Variants in MAGI2 observed in about 807,000 individuals in gnomAD.
MAGI2 encodes the protein membrane associated guanylate kinase, WW and PDZ domain containing 2.
Under a neutral mutation model 133.3 loss-of-function variants are expected in MAGI2, and 35 were observed. The ratio of observed to expected loss-of-function variants is 0.26; its 90% CI spans 0.20 to 0.35. The LOEUF (loss-of-function observed/expected upper bound fraction) is 0.35, where lower values mean the gene tolerates loss of function less well. Ranked by LOEUF, MAGI2 falls within the 10% of genes least tolerant of loss-of-function variation. The probability of loss-of-function intolerance (pLI) is 1.00; values close to 1 mark genes in which losing one functional copy is unlikely to be tolerated. For missense variants in MAGI2, 1,636 were observed against 1,863.4 expected (o/e 0.88, Z 2.25); for synonymous variants, 729 against 710.6 (o/e 1.03, Z -0.41).
chr7:78,972,904 G>GAGAT (rs1183379414), intron 2 of MAGI2, among the ~76,000 whole-genome samples: 1 of 150,450 alleles, frequency 6.6e-6, no homozygotes, highest in Non-Finnish European at 1.5e-5. Context: ...AAGTAAAGAG[G>GAGAT]AGATAGTTTG....
chr7:78,962,229 T>C (rs1028158144), intron 2 of MAGI2, among the ~76,000 whole-genome samples: 41 of 152,200 alleles, frequency 2.7e-4, no homozygotes, highest in African/African-American at 9.6e-4. Context: ...TTTAAATAAA[T>C]GATGGATTAT....
chr7:78,867,761 C>G (rs964249163), intron 2 of MAGI2, among the ~76,000 whole-genome samples: 2 of 151,826 alleles, frequency 1.3e-5, no homozygotes, highest in African/African-American at 4.8e-5. Context: ...GGTGGGAGAG[C>G]TGGGGAGACA....
chr7:79,255,385 C>T (rs534168697), intron 1 of MAGI2, among the ~76,000 whole-genome samples: 2 of 152,130 alleles, frequency 1.3e-5, no homozygotes, highest in Non-Finnish European at 2.9e-5. Flanking sequence ...TCTGTGGTTT[C>T]GCATGAAGTG....
At position 78,243,269 on chromosome 7, in the gene MAGI2, A is replaced by ACACACT. The variant is rs1212701510; in HGVS notation, c.2047+12673_2047+12674insAGTGTG. ...CACACACACACACACACACACACACACTCTCTCTCTCTCTCTCTTATAAAA... is the reference window on the plus strand; with the variant it reads ...CACACACACACACACACACACACACACACACTCTCTCTCTCTCTCTCTCTTATAAAA... On this transcript the variant is annotated intron_variant, in intron 10 of 21. Transcript: ENST00000354212. Among the ~76,000 whole-genome samples the ACACACT allele has an allele frequency of 1.8e-4, 11 of 62,854 alleles. No individual in the cohort carries two copies. In the South Asian group the frequency reaches 2.7e-3, roughly 16 times the overall value. 41.2% of individuals were successfully genotyped at this position (62,854 alleles called of 152,430 possible). A position where few individuals can be genotyped will look rare whatever the true frequency, so the allele number is the denominator to read the frequency against.
chr7:78,087,880 A>G (rs1253774627), intron 20 of MAGI2, among the ~76,000 whole-genome samples: 1 of 152,222 alleles, frequency 6.6e-6, no homozygotes, highest in Non-Finnish European at 1.5e-5. Context: ...ATTTTCTACA[A>G]AGGAAAAATA....
chr7:79,377,412 C>T lies in MAGI2; in HGVS notation c.301+75608G>A, dbSNP rs1456043143. Among the ~76,000 whole-genome samples, 3 of 151,802 alleles carry T rather than the reference C, an allele frequency of 2.0e-5. No homozygotes were observed. In the East Asian group the frequency reaches 5.8e-4, roughly 29 times the overall value. ...AGAGAGTTAGACTCATTTTTAAAAG[C>T]ATTTTCCGCTGGAGGACGAGATTCA... is the stretch of plus-strand genomic sequence containing the variant. On this transcript the variant is annotated intron_variant, in intron 1 of 21. Coordinates refer to ENST00000354212, the MANE Select transcript of MAGI2 (RefSeq NM_012301.4).
At chr7:78,429,868 T>C (rs1799628945) in intron 6 of MAGI2, among the ~76,000 whole-genome samples, 1 of 152,140 alleles carries the variant, frequency 6.6e-6, no homozygotes, top group Non-Finnish European at 1.5e-5. Flanking sequence ...GTATTCCCAT[T>C]TTTATAGATC....
At chr7:78,690,916 T>A (rs751683397) in intron 2 of MAGI2, among the ~76,000 whole-genome samples, 2 of 152,184 alleles carry the variant, frequency 1.3e-5, no homozygotes, top group Non-Finnish European at 2.9e-5. Context: ...TAATGTAAAA[T>A]GACACTGCAT....
At position 79,425,575 on chromosome 7, in the gene MAGI2, G is replaced by GTT. The variant is rs1471019185; in HGVS notation, c.301+27443_301+27444dup. On this transcript the variant is annotated intron_variant, in intron 1 of 21. Coordinates refer to ENST00000354212, the MANE Select transcript of MAGI2 (RefSeq NM_012301.4). ...CAGAACTGTTTTGCAGAAAATAAGGGTTTTATATATATATATATATATATG... is the reference window on the plus strand; with the variant it reads ...CAGAACTGTTTTGCAGAAAATAAGGGTTTTTTATATATATATATATATATATG... 6.9e-4 allele frequency among the ~76,000 whole-genome samples: 18 copies of GTT among 26,226 alleles called. No homozygotes were observed. The South Asian group carries it at 0.011, about 17-fold the overall frequency. The allele number at this position is 26,226 out of a possible 152,430, so 17.2% of individuals were successfully genotyped here. A position where few individuals can be genotyped will look rare whatever the true frequency, so the allele number is the denominator to read the frequency against.
chr7:78,696,473 G>A (rs1817524545), intron 2 of MAGI2, among the ~76,000 whole-genome samples: 1 of 152,042 alleles, frequency 6.6e-6, no homozygotes, highest in Admixed American at 6.6e-5. Context: ...TATACCTAGA[G>A]TTATATACTT....
At chr7:78,183,768 A>G (rs1398806568) in intron 13 of MAGI2, among the ~76,000 whole-genome samples, 1 of 152,066 alleles carries the variant, frequency 6.6e-6, no homozygotes, top group Non-Finnish European at 1.5e-5. Context: ...AGGTCTTGCC[A>G]TCTTGTCTAG....
intron 2 of MAGI2, among the ~76,000 whole-genome samples, chr7:78,872,645 A>G (rs1184990439): frequency 6.6e-6 from 1 of 151,770 alleles, no homozygotes; most frequent in African/African-American, 2.4e-5. Flanking sequence ...ATTCACTCTC[A>G]GAAGTAACTG....
chr7:79,099,264 A>C (rs956930153), intron 1 of MAGI2, among the ~76,000 whole-genome samples: 6 of 152,312 alleles, frequency 3.9e-5, no homozygotes, highest in Admixed American at 3.9e-4. Flanking sequence ...ATTATCCAAA[A>C]GAATACAAAT....
intron 21 of MAGI2, among the ~76,000 whole-genome samples, chr7:78,024,019 G>A (rs1808671501): frequency 6.6e-6 from 1 of 152,176 alleles, no homozygotes; most frequent in African/African-American, 2.4e-5. Context: ...TAAGGGACTT[G>A]AGCATCTGAA....
chr7:78,219,568 C>G (rs1001579406), intron 10 of MAGI2, among the ~76,000 whole-genome samples: 4 of 152,248 alleles, frequency 2.6e-5, no homozygotes, highest in East Asian at 3.9e-4. Context: ...TCCTTCCCCC[C>G]CACCGATGTC....
rs142406731 is a variant in MAGI2, at chr7:78,521,518, G to A, written c.666C>T (p.Ser222=). The A allele has an allele frequency of 1.2e-6, 2 of 1,614,000 alleles. No homozygotes were observed. Among genetic ancestry groups the A allele is most frequent in the Non-Finnish European group, 8.5e-7 (1 of 1,179,988 alleles). ...EGKRKRNKSV[S]NMEKASIEPP... is the part of the protein sequence containing the mutation. ...GCTCTATACTGGCTTTCTCCATGTT[G>A]CTCACTGATTTATTCCTCTTCCGTT... Residue 222 remains serine, a synonymous_variant, in exon 4 of 22, where the codon AGC becomes AGT. Transcript: ENST00000354212.
intron 1 of MAGI2, among the ~76,000 whole-genome samples, chr7:79,269,373 T>C (rs761883039): frequency 1.3e-5 from 2 of 152,192 alleles, no homozygotes; most frequent in Non-Finnish European, 2.9e-5. Flanking sequence ...TGATGAAATA[T>C]GGGTTGCTCA....
At chr7:78,409,414 A>T (rs937771197) in intron 6 of MAGI2, among the ~76,000 whole-genome samples, 17 of 152,108 alleles carry the variant, frequency 1.1e-4, no homozygotes, top group African/African-American at 4.1e-4. Flanking sequence ...AGTGCTTTAA[A>T]TCCACGCCCA....
At chr7:78,537,006 T>C (rs1798010470) in intron 3 of MAGI2, among the ~76,000 whole-genome samples, 1 of 151,924 alleles carries the variant, frequency 6.6e-6, no homozygotes, top group Non-Finnish European at 1.5e-5. Flanking sequence ...ATCATTCTTA[T>C]GCCTTTGTGT....
Sources: allele counts gnomAD v4.1 joint callset (sites outside exome capture counted in the v4.1 genomes callset), GRCh38; gene constraint gnomAD v4.1.1; transcripts MANE v1.5; gene names NCBI Gene and HGNC (gene_info 2026-07-23, HGNC 2026-07-21).